Variants in HMGXB4 observed in about 807,000 individuals in gnomAD.
HMGXB4 encodes the protein HMG domain-containing protein 4.
Under a neutral mutation model 63.9 loss-of-function variants are expected in HMGXB4, and 27 were observed. The observed-to-expected ratio is 0.42, with a 90% CI of 0.31 to 0.58. HMGXB4 has a LOEUF of 0.58. HMGXB4 is among the 20% of genes least tolerant of loss of function. The pLI is 0.13. For missense variants in HMGXB4, 624 were observed against 700.7 expected, an observed-to-expected ratio of 0.89 and a Z score of 1.24; for synonymous variants, 264 against 265.3, an observed-to-expected ratio of 0.99 and a Z score of 0.05.
At chr22:35,249,762 A>G in the HMGXB4 span, 3 of 99,656 alleles carry the variant, frequency 3.0e-5, 1 homozygote, top group African/African-American at 7.7e-5. Context: ...GAAGGGGAAG[A>G]CAAAATGTAA....
intron 10 of HMGXB4, 77 bp downstream of exon 10, chr22:35,293,191 A>G: frequency 6.5e-7 from 1 of 1,531,280 alleles, no homozygotes; most frequent in African/African-American, 1.4e-5. Context: ...ACTGTCAGAC[A>G]CACATAAGGC....
At chr22:35,282,716 G>A (rs556330898) in intron 5 of HMGXB4, among the ~76,000 whole-genome samples, 4 of 152,294 alleles carry the variant, frequency 2.6e-5, no homozygotes, top group East Asian at 3.9e-4. Context: ...CTGGGTTGTG[G>A]TTATAACTGC....
chr22:35,264,994 AAGC>A lies in HMGXB4; in HGVS notation c.610_612del (p.Ser205del). 1 of 1,614,106 alleles carries A rather than the reference AAGC, an allele frequency of 6.2e-7. No individual in the cohort carries two copies. Among genetic ancestry groups the A allele is most frequent in the Non-Finnish European group, 8.5e-7 (1 of 1,180,022 alleles). ...TTATTCTGTCACCAAAGGAGAAGGG[AAGC>A]AGCTCTGTTGATGAGGAGTCTTTTC... On this transcript the variant is annotated inframe_deletion, in exon 5 of 11. Transcript: ENST00000216106.
At chr22:35,241,630 A>G in the HMGXB4 span, among the ~76,000 whole-genome samples, 1 of 152,154 alleles carries the variant, frequency 6.6e-6, no homozygotes, top group Admixed American at 6.5e-5. Context: ...TATTTCGCTC[A>G]GCTCAGCTCT....
intron 9 of HMGXB4, among the ~76,000 whole-genome samples, chr22:35,288,956 A>G (rs1924765556): frequency 6.6e-6 from 1 of 152,190 alleles, no homozygotes; most frequent in African/African-American, 2.4e-5. Context: ...CCTGGCCAAT[A>G]TGGTGAAACC....
In HMGXB4 at chr22:35,264,714, C is replaced by T; in HGVS notation, c.326C>T (p.Ala109Val). The stretch of plus-strand genomic sequence containing the variant: ...TCCAGCCCACAGTCTACTGATACAG[C>T]TATGGACCTGTTGAAAGCTATCACT... ...KKSSPQSTDT[A>V]MDLLKAITSP... Residue 109 changes from alanine to valine, a missense_variant, in exon 5 of 11, where the codon GCT (alanine) becomes GTT (valine). Ala to Val is a moderately conservative substitution (Grantham distance 64, BLOSUM62 0). This residue lies in a region of HMGXB4 where 472 missense variants were observed against 470.6 expected (regional missense o/e 1.00). Coordinates refer to ENST00000216106, the MANE Select transcript of HMGXB4 (RefSeq NM_001003681.3). 6.2e-7 allele frequency: 1 copy of T among 1,613,470 alleles called. No individual in the cohort carries two copies. The highest frequency in any genetic ancestry group is 8.5e-7 in the Non-Finnish European group (1 of 1,179,420).
chr22:35,293,126 C>T lies in HMGXB4; in HGVS notation c.1761+12C>T. 6.2e-7 allele frequency: 1 copy of T among 1,614,182 alleles called. No homozygotes were observed. Among genetic ancestry groups the T allele is most frequent in the Non-Finnish European group, 8.5e-7 (1 of 1,180,018 alleles). The stretch of plus-strand genomic sequence containing the variant: ...CCAAACAGGTCTTGGTGAGTTTTCC[C>T]TGGATTTTTAGAGTCAGATCCATTG... On this transcript the variant is annotated intron_variant, in intron 10 of 10. Transcript: ENST00000216106.
At position 35,263,307 on chromosome 22, in the gene HMGXB4, T is replaced by G. The variant is rs538560906; in HGVS notation, c.180+81T>G. On this transcript the variant is annotated intron_variant, in intron 3 of 10. Transcript: ENST00000216106. ...GATGCAGAGTTTTTTTTTGTTTTTT[T>G]TTTTTTTCTCTCATGGCCCAGGCTT... The G allele has an allele frequency of 4.6e-4, 552 of 1,210,384 alleles. 4 individuals are homozygous for G. The African/African-American group carries it at 7.2e-3, about 16-fold the overall frequency. 75.0% of individuals were successfully genotyped at this position (1,210,384 alleles called of 1,614,324 possible). A position where few individuals can be genotyped will look rare whatever the true frequency, so the allele number is the denominator to read the frequency against.
intron 4 of HMGXB4, 190 bp downstream of exon 4, chr22:35,264,064 A>G: frequency 6.5e-7 from 1 of 1,543,820 alleles, no homozygotes; most frequent in Non-Finnish European, 8.7e-7. Context: ...AGGATTCAGC[A>G]TAGAAGAACA....
chr22:35,262,823 AC>A, intron 2 of HMGXB4: 4 of 540,076 alleles, frequency 7.4e-6, no homozygotes, highest in Non-Finnish European at 1.3e-5. Flanking sequence ...CAACTCAGAA[AC>A]CATATCTGAG....
intron 5 of HMGXB4, among the ~76,000 whole-genome samples, chr22:35,279,699 T>TTTTTTTTTTTG (rs144948164): frequency 9.2e-6 from 1 of 108,154 alleles, no homozygotes. Flanking sequence ...TTTTTTTTTT[T>TTTTTTTTTTTG]GGCATGTGGA....
chr22:35,259,087 C>G (rs1012570796), intron 1 of HMGXB4, among the ~76,000 whole-genome samples: 2 of 152,226 alleles, frequency 1.3e-5, no homozygotes, highest in African/African-American at 4.8e-5. Context: ...AGGCCTATGC[C>G]TGAACATAAC....
At chr22:35,268,123 A>G (rs1292055379) in intron 5 of HMGXB4, among the ~76,000 whole-genome samples, 3 of 152,202 alleles carry the variant, frequency 2.0e-5, no homozygotes, top group African/African-American at 7.2e-5. Flanking sequence ...TGAAATGCAT[A>G]GATATTGAGT....
At chr22:35,276,519 G>A (rs2235149) in intron 5 of HMGXB4, among the ~76,000 whole-genome samples, 75,713 of 151,960 alleles carry the variant, frequency 0.5, 22,384 homozygotes, top group Non-Finnish European at 0.65. Flanking sequence ...AGTGGCAGGT[G>A]GAACACCCAG....
the HMGXB4 span, among the ~76,000 whole-genome samples, chr22:35,243,631 C>T: frequency 1.6e-4 from 24 of 151,548 alleles, no homozygotes; most frequent in Admixed American, 9.2e-4. Flanking sequence ...GCAACCTCCA[C>T]CTCCGGGGTT....
chr22:35,273,605 T>C (rs1923736827), intron 5 of HMGXB4, among the ~76,000 whole-genome samples: 1 of 152,236 alleles, frequency 6.6e-6, no homozygotes, highest in Non-Finnish European at 1.5e-5. Flanking sequence ...TAAAATTTTG[T>C]TTTCAGCCAC....
At chr22:35,246,156 G>A in the HMGXB4 span, among the ~76,000 whole-genome samples, 1 of 152,212 alleles carries the variant, frequency 6.6e-6, no homozygotes, top group East Asian at 1.9e-4. Flanking sequence ...GGTGCAGGAG[G>A]GCAGGGTTGA....
At chr22:35,250,621 A>G in the HMGXB4 span, among the ~76,000 whole-genome samples, 1 of 151,608 alleles carries the variant, frequency 6.6e-6, no homozygotes. Context: ...CATCCAAACC[A>G]TATCACCATA....
chr22:35,289,752 C>G (rs1403727675), intron 9 of HMGXB4, among the ~76,000 whole-genome samples: 1 of 152,194 alleles, frequency 6.6e-6, no homozygotes, highest in African/African-American at 2.4e-5. Context: ...ATCACTTAAC[C>G]TGCACAGCTG....
Sources: gnomAD v4.1 joint callset for allele counts (sites outside exome capture counted in the v4.1 genomes callset) on GRCh38, gnomAD v4.1.1 for gene constraint, gnomAD v4.1.1 regional missense constraint, MANE v1.5 for transcripts, NCBI Gene and HGNC (gene_info 2026-07-23, HGNC 2026-07-21) for gene names.